Variants in LRRC40 observed in about 807,000 individuals in gnomAD.
LRRC40 encodes leucine-rich repeat-containing protein 40.
A neutral mutation model predicts 72.8 loss-of-function variants in LRRC40; 76 were observed. The ratio of observed to expected loss-of-function variants is 1.04; its 90% CI spans 0.87 to 1.26. The LOEUF (loss-of-function observed/expected upper bound fraction) is 1.26. LRRC40 is among the 50% of genes most tolerant of loss of function. The pLI is 0.00. For synonymous variants in LRRC40, 243 were observed against 254.2 expected (o/e 0.96, Z 0.42); for missense variants, 684 against 698.9 (o/e 0.98, Z 0.24).
chr1:70,190,187 C>G (rs570938186), intron 1 of LRRC40, among the ~76,000 whole-genome samples: 1 of 152,118 alleles, frequency 6.6e-6, no homozygotes, highest in African/African-American at 2.4e-5. Flanking sequence ...GAACTTCAAG[C>G]TGGTATTAAT....
intron 4 of LRRC40, among the ~76,000 whole-genome samples, chr1:70,183,074 T>C (rs1668281001): frequency 6.6e-6 from 1 of 152,154 alleles, no homozygotes; most frequent in South Asian, 2.1e-4. Flanking sequence ...TTTACTTATT[T>C]CCCATCTGAT....
At chr1:70,174,584 C>T (rs1668063866) in intron 7 of LRRC40, among the ~76,000 whole-genome samples, 1 of 152,052 alleles carries the variant, frequency 6.6e-6, no homozygotes. Context: ...TATCTCTGTA[C>T]AACAGAATAA....
At chr1:70,168,659 C>G (rs1024342395) in intron 9 of LRRC40, among the ~76,000 whole-genome samples, 1 of 152,168 alleles carries the variant, frequency 6.6e-6, no homozygotes, top group Admixed American at 6.5e-5. Flanking sequence ...TGTATACAAG[C>G]AGACTGTACA....
At chr1:70,172,688 T>C (rs1368915696) in intron 9 of LRRC40, among the ~76,000 whole-genome samples, 1 of 152,122 alleles carries the variant, frequency 6.6e-6, no homozygotes, top group South Asian at 2.1e-4. Flanking sequence ...GAAAATTATT[T>C]TAATAATTCA....
intron 1 of LRRC40, among the ~76,000 whole-genome samples, chr1:70,191,689 AC>A (rs1668503899): frequency 6.6e-6 from 1 of 152,132 alleles, no homozygotes; most frequent in Non-Finnish European, 1.5e-5. Flanking sequence ...TCCCATAAGA[AC>A]CACTAAAAAG....
chr1:70,205,330 T>C, intron 1 of LRRC40, 60 bp downstream of exon 1: 3 of 1,451,014 alleles, frequency 2.1e-6, no homozygotes, highest in Admixed American at 2.0e-5. Context: ...AAAAGGGAGG[T>C]TGCCTGGGCC....
intron 9 of LRRC40, among the ~76,000 whole-genome samples, chr1:70,170,863 G>C (rs762551592): frequency 9.9e-5 from 15 of 152,164 alleles, no homozygotes; most frequent in South Asian, 8.3e-4. Context: ...ATATGGAATT[G>C]CAAGAAATCC....
chr1:70,205,510 C>G lies in LRRC40; in HGVS notation c.31G>C (p.Asp11His). MSRLKRIAGQDLRAGFKAGGR... is the reference protein window; with the variant it reads MSRLKRIAGQHLRAGFKAGGR... ...CCTGCTTTGAAACCAGCGCGGAGAT[C>G]CTGCCCCGCTATCCGCTTCAGGCGC... The change falls in exon 1 of 15, where the codon GAT (aspartate) becomes CAT (histidine). Residue 11 changes from aspartate to histidine, a missense_variant. Coordinates refer to ENST00000370952, the MANE Select transcript of LRRC40 (RefSeq NM_017768.5). 1.9e-6 allele frequency: 3 copies of G among 1,601,392 alleles called. No homozygotes were observed. Among genetic ancestry groups the G allele is most frequent in the African/African-American group, 2.7e-5 (2 of 74,946 alleles).
intron 9 of LRRC40, among the ~76,000 whole-genome samples, chr1:70,164,621 A>G (rs981668767): frequency 3.1e-4 from 47 of 152,126 alleles, no homozygotes; most frequent in African/African-American, 1.1e-3. Flanking sequence ...CCACTGGAAC[A>G]TATCTCCCGC....
chr1:70,176,531 C>CAAAAAAAAAAAAAAAAAAAAAACAAAAAA (rs1668109146), intron 6 of LRRC40, among the ~76,000 whole-genome samples: 1 of 29,722 alleles, frequency 3.4e-5, no homozygotes, highest in Non-Finnish European at 7.6e-5. Context: ...GAATCCATCT[C>CAAAAAAAAAAAAAAAAAAAAAACAAAAAA]AAAAAAAAAA....
At chr1:70,178,564 T>A (rs1224223677) in intron 6 of LRRC40, among the ~76,000 whole-genome samples, 3 of 152,158 alleles carry the variant, frequency 2.0e-5, no homozygotes, top group African/African-American at 7.2e-5. Context: ...GTCTCCTACT[T>A]ACAATTTTAG....
chr1:70,171,629 TAAGATGCCATTTCAGACCCAAC>T (rs1246151177), intron 9 of LRRC40, among the ~76,000 whole-genome samples: 1 of 152,034 alleles, frequency 6.6e-6, no homozygotes, highest in Non-Finnish European at 1.5e-5. Context: ...AAAGCCACAA[TAAGATGCCATTTCAGACCCAAC>T]AAGATGGCTA....
At chr1:70,151,860 T>A (rs1431551707) in intron 12 of LRRC40, 1 of 152,092 alleles carries the variant, frequency 6.6e-6, no homozygotes, top group Non-Finnish European at 1.5e-5. Flanking sequence ...GGAGCCAATA[T>A]AACTACTAAT....
At chr1:70,200,323 G>T (rs939895637) in intron 1 of LRRC40, among the ~76,000 whole-genome samples, 1 of 151,858 alleles carries the variant, frequency 6.6e-6, no homozygotes, top group Admixed American at 6.6e-5. Flanking sequence ...AACATTAGCC[G>T]GGCACAGTGG....
At chr1:70,196,545 G>A (rs1198880464) in intron 1 of LRRC40, among the ~76,000 whole-genome samples, 1 of 151,768 alleles carries the variant, frequency 6.6e-6, no homozygotes, top group Non-Finnish European at 1.5e-5. Context: ...GGGAGACACT[G>A]TCTCAAGAAA....
chr1:70,163,609 T>G (rs1338051569), intron 9 of LRRC40, among the ~76,000 whole-genome samples: 1 of 152,212 alleles, frequency 6.6e-6, no homozygotes, highest in Non-Finnish European at 1.5e-5. Flanking sequence ...ATCCTTATTT[T>G]AAAGTCAGTC....
intron 4 of LRRC40, among the ~76,000 whole-genome samples, chr1:70,182,010 T>C (rs774717013): frequency 6.6e-6 from 1 of 152,022 alleles, no homozygotes; most frequent in Non-Finnish European, 1.5e-5. Context: ...TTTCATTTAA[T>C]ATAACATTAA....
At chr1:70,149,859 T>C (rs1037925091) in intron 13 of LRRC40, among the ~76,000 whole-genome samples, 3 of 152,314 alleles carry the variant, frequency 2.0e-5, no homozygotes, top group Admixed American at 1.3e-4. Flanking sequence ...ATGAATGTAT[T>C]TGAAGACCTT....
chr1:70,150,247 T>A (rs1200820159), intron 13 of LRRC40, among the ~76,000 whole-genome samples: 15 of 152,172 alleles, frequency 9.9e-5, no homozygotes, highest in African/African-American at 3.6e-4. Context: ...TAAATTGTTT[T>A]TAGAATCCAT....
Sources: allele counts gnomAD v4.1 joint callset (sites outside exome capture counted in the v4.1 genomes callset), GRCh38; gene constraint gnomAD v4.1.1; transcripts MANE v1.5; gene names NCBI Gene and HGNC (gene_info 2026-07-23, HGNC 2026-07-21).